The following ACSM3 variants were observed in gnomAD, a reference collection of about 807,000 sequenced individuals.
ACSM3 encodes the protein acyl-CoA synthetase medium chain family member 3.
In ACSM3, 61 loss-of-function variants were observed where a neutral mutation model predicts 74.1. That is an observed-to-expected ratio of 0.82 (90% CI 0.67 to 1.02). The LOEUF (loss-of-function observed/expected upper bound fraction) is 1.02, where lower values mean the gene tolerates loss of function less well. Ranked by LOEUF, ACSM3 falls within the 50% of genes least tolerant of loss-of-function variation. ACSM3 has a pLI of 0.00. For synonymous variants in ACSM3, 213 were observed against 241.5 expected (o/e 0.88, Z 1.09); for missense variants, 660 against 697.0 (o/e 0.95, Z 0.60).
intron 1 of ACSM3, among the ~76,000 whole-genome samples, chr16:20,678,225 T>C (rs2079352914): frequency 6.6e-6 from 1 of 151,862 alleles, no homozygotes; most frequent in Admixed American, 6.6e-5. Context: ...AGTGGGAGGC[T>C]AGCCATCCCT....
intron 1 of ACSM3, among the ~76,000 whole-genome samples, chr16:20,698,516 C>T (rs190904221): frequency 2.7e-4 from 41 of 152,106 alleles, no homozygotes; most frequent in African/African-American, 8.7e-4. Flanking sequence ...AATTGGTTTT[C>T]GGTTGCTTTT....
At chr16:20,697,203 C>T (rs1342318531) in intron 1 of ACSM3, among the ~76,000 whole-genome samples, 1 of 152,082 alleles carries the variant, frequency 6.6e-6, no homozygotes, top group African/African-American at 2.4e-5. Flanking sequence ...CTTTCAAGTA[C>T]CTGGGACCAC....
chr16:20,781,122 A>G lies in ACSM3; in HGVS notation c.931A>G (p.Ile311Val), dbSNP rs772031793. 1.2e-5 allele frequency: 19 copies of G among 1,613,978 alleles called. No homozygotes were observed. In the East Asian group the frequency reaches 3.8e-4, roughly 32 times the overall value. ...TTTACCCCGTTTTGAGCCGACTTCTATCTTGCAAGTAAGCCAAAGCACAAA... is the reference window on the plus strand; with the variant it reads ...TTTACCCCGTTTTGAGCCGACTTCTGTCTTGCAAGTAAGCCAAAGCACAAA... ...HHLPRFEPTSILQTLSKYPIT... is the reference protein window; with the variant it reads ...HHLPRFEPTSVLQTLSKYPIT... The change falls in exon 6 of 14, where the codon ATC (isoleucine) becomes GTC (valine). Residue 311 changes from isoleucine (I) to valine (V), a missense_variant. Ile to Val is a conservative substitution (Grantham distance 29). Coordinates refer to ENST00000289416, the MANE Select transcript of ACSM3 (RefSeq NM_005622.4).
At chr16:20,698,174 A>G (rs902398769) in intron 1 of ACSM3, among the ~76,000 whole-genome samples, 1 of 149,484 alleles carries the variant, frequency 6.7e-6, no homozygotes, top group Non-Finnish European at 1.5e-5. Context: ...AGCCTGGGAG[A>G]CAGAGACTCT....
intron 1 of ACSM3, chr16:20,738,685 C>G: frequency 1.8e-6 from 1 of 563,030 alleles, no homozygotes; most frequent in Non-Finnish European, 3.1e-6. Context: ...ACGAAGGAAG[C>G]AGCAAAGCCA....
At chr16:20,741,577 G>A in intron 1 of ACSM3, 1 of 1,569,536 alleles carries the variant, frequency 6.4e-7, no homozygotes, top group East Asian at 2.4e-5. Context: ...ACGCACTTGC[G>A]CTCGTTCATA....
chr16:20,796,697 C>T (rs915731574), intron 13 of ACSM3, 189 bp from the exon 14 acceptor site: 5 of 1,480,386 alleles, frequency 3.4e-6, no homozygotes, highest in Admixed American at 5.6e-5. Context: ...ACTGGACTCA[C>T]AGTAAATACT....
In ACSM3 at chr16:20,796,873, T is replaced by C. The variant is rs775616481; in HGVS notation, c.1675-13T>C. 5.6e-6 allele frequency: 9 copies of C among 1,610,156 alleles called. No homozygotes were observed. Among genetic ancestry groups the C allele is most frequent in the Middle Eastern group, 1.6e-4 (1 of 6,068 alleles). ...AATTTCCAGGCTAATTTTCTTCCCC[T>C]TGATGCCAACAGGTAGAATTTATTC... On this transcript the variant is annotated splice_polypyrimidine_tract_variant and intron_variant, in intron 13 of 13. Transcript: ENST00000289416.
intron 4 of ACSM3, among the ~76,000 whole-genome samples, chr16:20,777,863 C>A (rs994845495): frequency 6.6e-6 from 1 of 152,196 alleles, no homozygotes; most frequent in Non-Finnish European, 1.5e-5. Flanking sequence ...GAATGTCGGA[C>A]TGGGCAGAGA....
intron 9 of ACSM3, among the ~76,000 whole-genome samples, chr16:20,787,202 C>G (rs1310246341): frequency 6.6e-6 from 1 of 152,212 alleles, no homozygotes; most frequent in Non-Finnish European, 1.5e-5. Flanking sequence ...AATAAGTCAT[C>G]ATAAGTTGAA....
intron 1 of ACSM3, among the ~76,000 whole-genome samples, chr16:20,686,520 T>C (rs2079556810): frequency 6.6e-6 from 1 of 152,134 alleles, no homozygotes; most frequent in Non-Finnish European, 1.5e-5. Context: ...AGCTAATGCA[T>C]GCGGGGTTTA....
chr16:20,714,797 A>C (rs2079755476), intron 1 of ACSM3, among the ~76,000 whole-genome samples: 1 of 152,224 alleles, frequency 6.6e-6, no homozygotes, highest in Non-Finnish European at 1.5e-5. Flanking sequence ...TGGTGGATAT[A>C]TGAGTCTCAG....
At chr16:20,723,637 A>G (rs924425492) in intron 1 of ACSM3, among the ~76,000 whole-genome samples, 50 of 152,200 alleles carry the variant, frequency 3.3e-4, no homozygotes, top group African/African-American at 1.2e-3. Context: ...ATGGCCAGTG[A>G]TGATGAGCAT....
At chr16:20,731,645 C>A in intron 1 of ACSM3, 1 of 373,368 alleles carries the variant, frequency 2.7e-6, no homozygotes, top group Non-Finnish European at 4.8e-6. Flanking sequence ...GTTGTCTTAG[C>A]TCCATCCTGT....
chr16:20,760,864 A>T (rs1390030073), upstream of ACSM3, among the ~76,000 whole-genome samples: 1 of 152,196 alleles, frequency 6.6e-6, no homozygotes, highest in East Asian at 1.9e-4. Context: ...AGACATTCAC[A>T]AGTGTTCTCT....
intron 2 of ACSM3, among the ~76,000 whole-genome samples, chr16:20,773,209 A>G (rs1179019597): frequency 6.6e-6 from 1 of 152,058 alleles, no homozygotes; most frequent in African/African-American, 2.4e-5. Flanking sequence ...TCTGTGGTAC[A>G]GTTGTAATGT....
chr16:20,749,357 G>A (rs971409657), intron 1 of ACSM3: 1 of 152,150 alleles, frequency 6.6e-6, no homozygotes, highest in Non-Finnish European at 1.5e-5. Flanking sequence ...CTCTCTCCAG[G>A]TTTGTGAAAA....
chr16:20,705,286 T>C (rs2079723728), intron 1 of ACSM3, among the ~76,000 whole-genome samples: 1 of 148,786 alleles, frequency 6.7e-6, no homozygotes, highest in Admixed American at 6.8e-5. Context: ...GGCAGGAGAA[T>C]GGTGTAAACC....
chr16:20,773,440 T>G (rs2080217903), intron 2 of ACSM3, among the ~76,000 whole-genome samples: 1 of 152,174 alleles, frequency 6.6e-6, no homozygotes, highest in South Asian at 2.1e-4. Flanking sequence ...TTGAGGTGCA[T>G]TCTTAGATTG....
Sources: allele counts gnomAD v4.1 joint callset (sites outside exome capture counted in the v4.1 genomes callset), GRCh38; gene constraint gnomAD v4.1.1; transcripts MANE v1.5; gene names NCBI Gene and HGNC (gene_info 2026-07-23, HGNC 2026-07-21).